Variants in SMIM14 observed in about 807,000 individuals in gnomAD.
The protein encoded by SMIM14 is small integral membrane protein 14.
A neutral mutation model predicts 12.6 loss-of-function variants in SMIM14; 5 were observed. The observed-to-expected ratio is 0.40, with a 90% CI of 0.21 to 0.83. SMIM14 has a LOEUF of 0.83. Among genes scored for constraint, SMIM14 ranks in the 40% least tolerant of loss-of-function variants. SMIM14 has a pLI of 0.37. For synonymous variants in SMIM14, 30 were observed against 40.1 expected (o/e 0.75, Z 0.95); for missense variants, 86 against 119.1 (o/e 0.72, Z 1.29).
At chr4:39,575,925 A>C (rs1713146972) in intron 2 of SMIM14, among the ~76,000 whole-genome samples, 1 of 132,504 alleles carries the variant, frequency 7.5e-6, no homozygotes, top group Non-Finnish European at 1.6e-5. Flanking sequence ...ATGGAGTCTC[A>C]CTCTGTCACC....
intron 1 of SMIM14, among the ~76,000 whole-genome samples, chr4:39,636,966 C>T (rs764770189): frequency 2.0e-5 from 3 of 152,064 alleles, no homozygotes; most frequent in Non-Finnish European, 4.4e-5. Context: ...AAAGTGAAAC[C>T]ACGGATAAGG....
intron 2 of SMIM14, among the ~76,000 whole-genome samples, chr4:39,579,672 A>C (rs796624507): frequency 9.9e-5 from 15 of 151,950 alleles, no homozygotes; most frequent in African/African-American, 3.6e-4. Context: ...GTGCAACCCC[A>C]TTTCTACTAA....
At chr4:39,617,524 C>G (rs1715268856) in intron 1 of SMIM14, among the ~76,000 whole-genome samples, 1 of 152,124 alleles carries the variant, frequency 6.6e-6, no homozygotes, top group Non-Finnish European at 1.5e-5. Context: ...CCCTGTCTTA[C>G]CCTCTATCAT....
intron 2 of SMIM14, among the ~76,000 whole-genome samples, chr4:39,582,096 CCCGA>C (rs1713537425): frequency 6.6e-6 from 1 of 151,838 alleles, no homozygotes; most frequent in Admixed American, 6.6e-5. Flanking sequence ...GTCTCAAACT[CCCGA>C]CCTCAGGTGA....
At chr4:39,630,633 A>G (rs1382407857) in intron 1 of SMIM14, among the ~76,000 whole-genome samples, 1 of 152,112 alleles carries the variant, frequency 6.6e-6, no homozygotes, top group Non-Finnish European at 1.5e-5. Context: ...AAGCCAAGGC[A>G]GGCGAATCAC....
chr4:39,623,100 C>T (rs1044427711), intron 1 of SMIM14, among the ~76,000 whole-genome samples: 5 of 152,130 alleles, frequency 3.3e-5, no homozygotes, highest in Non-Finnish European at 5.9e-5. Flanking sequence ...ACAATGTCAA[C>T]GATCACATCT....
chr4:39,615,484 G>A (rs976955235), intron 1 of SMIM14, among the ~76,000 whole-genome samples: 1 of 152,140 alleles, frequency 6.6e-6, no homozygotes, highest in Non-Finnish European at 1.5e-5. Flanking sequence ...CCCATAGGAT[G>A]TACAATACCA....
chr4:39,568,619 G>A (rs557186548), intron 3 of SMIM14, among the ~76,000 whole-genome samples: 5 of 152,176 alleles, frequency 3.3e-5, no homozygotes, highest in South Asian at 2.1e-4. Context: ...AAATTCCCAC[G>A]ATCCTAAAAC....
chr4:39,607,697 T>C (rs1423815711), intron 1 of SMIM14, among the ~76,000 whole-genome samples: 1 of 152,192 alleles, frequency 6.6e-6, no homozygotes, highest in Non-Finnish European at 1.5e-5. Context: ...GTTTTTTAAA[T>C]TATAAATACA....
At chr4:39,577,459 ACT>A (rs1420188104) in intron 2 of SMIM14, among the ~76,000 whole-genome samples, 1 of 146,366 alleles carries the variant, frequency 6.8e-6, no homozygotes, top group Non-Finnish European at 1.5e-5. Context: ...ACGGAGTCTG[ACT>A]CTGTCTCCCA....
chr4:39,548,903 C>T lies in SMIM14; in HGVS notation c.*3223G>A, dbSNP rs983418542. On this transcript the variant is annotated 3_prime_UTR_variant, in exon 5 of 5. Coordinates refer to ENST00000295958, the MANE Select transcript of SMIM14 (RefSeq NM_174921.3). ...AAATGAAGAACTAGGAATAAGAATC[C>T]AGATTTTCTGGCCAGGCACGGTGGC... The T allele has an allele frequency of 6.6e-6, 1 of 151,998 alleles. No individual in the cohort carries two copies. The highest frequency in any genetic ancestry group is 1.5e-5 in the Non-Finnish European group (1 of 67,978). 9.4% of individuals were successfully genotyped at this position (151,998 alleles called of 1,614,324 possible). A position where few individuals can be genotyped will look rare whatever the true frequency, so the allele number is the denominator to read the frequency against.
intron 2 of SMIM14, among the ~76,000 whole-genome samples, chr4:39,588,260 G>A (rs903524659): frequency 1.3e-5 from 2 of 152,042 alleles, no homozygotes; most frequent in Non-Finnish European, 2.9e-5. Context: ...AGAAACTGTC[G>A]GCTGAGGGTG....
chr4:39,596,742 T>A (rs1714383198), intron 2 of SMIM14, among the ~76,000 whole-genome samples: 1 of 152,180 alleles, frequency 6.6e-6, no homozygotes, highest in African/African-American at 2.4e-5. Context: ...TCACTAGCAC[T>A]TCTCTGATAC....
Position 39,552,069 on chromosome 4 carries a change from T to TC in SMIM14, c.*56dup. Reference sequence around the variant, plus strand: ...AATGGGGTTAAGAGTACTCTGGTCATCTTCGTTCGTTTGGTCGTGCAAGGT... The same window carrying TC: ...AATGGGGTTAAGAGTACTCTGGTCATCCTTCGTTCGTTTGGTCGTGCAAGGT... On this transcript the variant is annotated 3_prime_UTR_variant, in exon 5 of 5. Coordinates refer to ENST00000295958, the MANE Select transcript of SMIM14 (RefSeq NM_174921.3). The TC allele has an allele frequency of 1.4e-6, 2 of 1,450,998 alleles. No individual in the cohort carries two copies. The highest frequency in any genetic ancestry group is 2.8e-5 in the African/African-American group (2 of 70,196). 89.9% of individuals were successfully genotyped at this position (1,450,998 alleles called of 1,614,324 possible). A position where few individuals can be genotyped will look rare whatever the true frequency, so the allele number is the denominator to read the frequency against.
intron 1 of SMIM14, among the ~76,000 whole-genome samples, chr4:39,608,420 G>T (rs1393632048): frequency 6.6e-6 from 1 of 152,180 alleles, no homozygotes; most frequent in East Asian, 1.9e-4. Context: ...AGTGAAAAAT[G>T]GATAAACAAA....
chr4:39,569,285 T>C (rs778348311), intron 3 of SMIM14, among the ~76,000 whole-genome samples: 11 of 152,200 alleles, frequency 7.2e-5, no homozygotes, highest in Non-Finnish European at 1.2e-4. Flanking sequence ...TACTTTAGGC[T>C]AGGCACTGCA....
chr4:39,596,347 G>A (rs1000715337), intron 2 of SMIM14, among the ~76,000 whole-genome samples: 3 of 151,988 alleles, frequency 2.0e-5, no homozygotes, highest in Non-Finnish European at 4.4e-5. Context: ...CACTTGCCTC[G>A]GCCTCCCAAA....
intron 1 of SMIM14, among the ~76,000 whole-genome samples, chr4:39,622,905 GTCAC>G (rs1715558264): frequency 6.6e-6 from 1 of 152,084 alleles, no homozygotes; most frequent in African/African-American, 2.4e-5. Context: ...TCCAGGGAAG[GTCAC>G]TCAGTTTCTT....
chr4:39,638,833 C>A lies in SMIM14; in HGVS notation c.-130G>T. On this transcript the variant is annotated 5_prime_UTR_variant, in exon 1 of 5. Coordinates refer to ENST00000295958, the MANE Select transcript of SMIM14 (RefSeq NM_174921.3). ...TGGAGCTTCCAGAAGGCTGCGGCTGCTCCGGACGCTGCTGCCACTGCCGTT... is the reference window on the plus strand; with the variant it reads ...TGGAGCTTCCAGAAGGCTGCGGCTGATCCGGACGCTGCTGCCACTGCCGTT... 1 of 985,982 alleles carries A rather than the reference C, an allele frequency of 1.0e-6. No individual in the cohort carries two copies. The highest frequency in any genetic ancestry group is 4.7e-5 in the South Asian group (1 of 21,296). The allele number at this position is 985,982 out of a possible 1,614,324, so 61.1% of individuals were successfully genotyped here. A position where few individuals can be genotyped will look rare whatever the true frequency, so the allele number is the denominator to read the frequency against.
Sources: gnomAD v4.1 joint callset for allele counts (sites outside exome capture counted in the v4.1 genomes callset) on GRCh38, gnomAD v4.1.1 for gene constraint, MANE v1.5 for transcripts, NCBI Gene and HGNC (gene_info 2026-07-23, HGNC 2026-07-21) for gene names.